SLC10A7: variants seen among roughly 807,000 people sequenced by gnomAD.
The protein encoded by SLC10A7 is sodium/bile acid cotransporter 7.
SLC10A7 carries 29 observed loss-of-function variants against 43.2 expected under a neutral mutation model. The ratio of observed to expected loss-of-function variants is 0.67; its 90% CI spans 0.50 to 0.92. The LOEUF (loss-of-function observed/expected upper bound fraction) is 0.92. Among genes scored for constraint, SLC10A7 ranks in the 40% least tolerant of loss-of-function variants. The pLI is 0.00. For missense variants in SLC10A7, 295 were observed against 403.2 expected (o/e 0.73, Z 2.30); for synonymous variants, 152 against 144.8 (o/e 1.05, Z -0.35).
intron 5 of SLC10A7, among the ~76,000 whole-genome samples, chr4:146,360,599 C>T (rs1253629268): frequency 2.0e-5 from 3 of 151,808 alleles, no homozygotes; most frequent in African/African-American, 7.3e-5. Context: ...CAACACCACA[C>T]CTGGCTTTTT....
In SLC10A7 at chr4:146,448,766, A is replaced by G. The variant is rs1295597146; in HGVS notation, c.397-5945T>C. Among the ~76,000 whole-genome samples, 6 of 152,194 alleles carry G rather than the reference A, an allele frequency of 3.9e-5. No individual in the cohort carries two copies. In the South Asian group the frequency reaches 1.2e-3, roughly 31 times the overall value. On this transcript the variant is annotated intron_variant, in intron 4 of 11. Transcript: ENST00000335472. ...GTTTCAAGCCTAGGAGAATACCCTT[A>G]GGAGAATACCAAACTTGGGAGAAGA...
intron 5 of SLC10A7, among the ~76,000 whole-genome samples, chr4:146,397,314 T>A (rs1165827877): frequency 1.3e-5 from 2 of 152,192 alleles, no homozygotes; most frequent in East Asian, 1.9e-4. Flanking sequence ...ACTAAAATAA[T>A]GTCAGAAAAG....
intron 4 of SLC10A7, among the ~76,000 whole-genome samples, chr4:146,483,283 A>G (rs948634699): frequency 1.3e-5 from 2 of 152,218 alleles, no homozygotes; most frequent in African/African-American, 4.8e-5. Flanking sequence ...GCTATAATAC[A>G]TTGTTAAGGA....
In SLC10A7 at chr4:146,306,101, G is replaced by A. The variant is rs928072122; in HGVS notation, c.472-92C>T. 15 of 1,023,414 alleles carry A rather than the reference G, an allele frequency of 1.5e-5. No individual in the cohort carries two copies. The East Asian group carries it at 4.4e-4, about 30-fold the overall frequency. 63.4% of individuals were successfully genotyped at this position (1,023,414 alleles called of 1,614,324 possible). On this transcript the variant is annotated intron_variant, in intron 6 of 11. Transcript: ENST00000335472. ...TAATGCAATAAATAGATTTTCTCAG[G>A]CGCACCAAAAATTTGGTAGCTATCT... is the stretch of plus-strand genomic sequence containing the variant.
intron 4 of SLC10A7, among the ~76,000 whole-genome samples, chr4:146,457,554 A>C (rs964697386): frequency 1.3e-5 from 2 of 151,940 alleles, no homozygotes; most frequent in African/African-American, 4.8e-5. Context: ...CCACACAAAA[A>C]ACTTTCAGCA....
At chr4:146,356,333 A>G (rs1207668727) in intron 5 of SLC10A7, among the ~76,000 whole-genome samples, 1 of 152,096 alleles carries the variant, frequency 6.6e-6, no homozygotes, top group Non-Finnish European at 1.5e-5. Flanking sequence ...CCTTAATCCA[A>G]TATATTACTA....
chr4:146,432,908 C>G (rs571800363), intron 5 of SLC10A7, among the ~76,000 whole-genome samples: 23 of 151,570 alleles, frequency 1.5e-4, no homozygotes, highest in East Asian at 6.0e-4. Context: ...CGTGGTGGTA[C>G]GCGCCTGTAG....
chr4:146,400,346 G>C (rs1739143676), intron 5 of SLC10A7, among the ~76,000 whole-genome samples: 1 of 152,044 alleles, frequency 6.6e-6, no homozygotes, highest in African/African-American at 2.4e-5. Flanking sequence ...GTTAAAAGTA[G>C]AAATTGGAAC....
At chr4:146,518,140 G>A (rs1738191231) in intron 1 of SLC10A7, among the ~76,000 whole-genome samples, 1 of 152,146 alleles carries the variant, frequency 6.6e-6, no homozygotes, top group Non-Finnish European at 1.5e-5. Flanking sequence ...GTGGATATAA[G>A]TATCATTTGT....
rs966509434 is a variant in SLC10A7, at chr4:146,348,480, C to A, written c.436-22484G>T. Among the ~76,000 whole-genome samples the A allele has an allele frequency of 2.0e-5, 3 of 152,166 alleles. No homozygotes were observed. The East Asian group carries it at 5.8e-4, about 29-fold the overall frequency. The stretch of plus-strand genomic sequence containing the variant: ...GTATTTAAAACGTGTAAAAGAACTC[C>A]TGTTCTCTCTCAGTACCTACATAAA... On this transcript the variant is annotated intron_variant, in intron 5 of 11. Transcript: ENST00000335472.
chr4:146,277,292 A>G (rs977268588), intron 10 of SLC10A7, among the ~76,000 whole-genome samples: 1 of 152,166 alleles, frequency 6.6e-6, no homozygotes, highest in African/African-American at 2.4e-5. Context: ...TTAATTTCAT[A>G]CCTGCTGTCT....
At chr4:146,299,434 C>CAT (rs1231843140) in intron 7 of SLC10A7, among the ~76,000 whole-genome samples, 1 of 152,138 alleles carries the variant, frequency 6.6e-6, no homozygotes, top group Non-Finnish European at 1.5e-5. Context: ...AATAATGATA[C>CAT]ATACTAAGCT....
Position 146,282,948 on chromosome 4 carries a change from G to T in SLC10A7, c.847+244C>A, listed in dbSNP as rs538741282. Among the ~76,000 whole-genome samples the T allele has an allele frequency of 3.9e-5, 6 of 152,156 alleles. No homozygotes were observed. In the South Asian group the frequency reaches 1.2e-3, roughly 32 times the overall value. ...ATTCTACATTGGTAATCTTGTATGAGAATTGAAAATATGATTATAAATTAA... is the reference window on the plus strand; with the variant it reads ...ATTCTACATTGGTAATCTTGTATGATAATTGAAAATATGATTATAAATTAA... On this transcript the variant is annotated intron_variant, in intron 10 of 11. Coordinates refer to ENST00000335472, the MANE Select transcript of SLC10A7 (RefSeq NM_001029998.6).
In SLC10A7 at chr4:146,510,667, C is replaced by T. The variant is rs137917188; in HGVS notation, c.184-618G>A. On this transcript the variant is annotated intron_variant, in intron 2 of 11. Coordinates refer to ENST00000335472, the MANE Select transcript of SLC10A7 (RefSeq NM_001029998.6). ...AGGACTAAGCTAACTATACTTCATA[C>T]TACTATAGATTTGGGGATTGTTGAA... 3.8e-3 allele frequency among the ~76,000 whole-genome samples: 574 copies of T among 152,260 alleles called. 3 individuals carry two copies. The highest frequency in any genetic ancestry group is 0.013 in the African/African-American group (556 of 41,542).
At chr4:146,505,478 G>A (rs1189689706) in intron 3 of SLC10A7, among the ~76,000 whole-genome samples, 1 of 152,144 alleles carries the variant, frequency 6.6e-6, no homozygotes, top group Non-Finnish European at 1.5e-5. Flanking sequence ...AAAGTTATAT[G>A]TGGATTTTCA....
At chr4:146,418,390 G>A (rs143180287) in intron 5 of SLC10A7, among the ~76,000 whole-genome samples, 2 of 152,174 alleles carry the variant, frequency 1.3e-5, no homozygotes, top group African/African-American at 4.8e-5. Context: ...ACTAAAACAA[G>A]CCTGATGTTT....
intron 5 of SLC10A7, among the ~76,000 whole-genome samples, chr4:146,439,948 ATCT>A (rs1730471057): frequency 6.6e-6 from 1 of 152,238 alleles, no homozygotes; most frequent in African/African-American, 2.4e-5. Flanking sequence ...TCTAAAATAA[ATCT>A]TCTTCCTAAT....
intron 9 of SLC10A7, among the ~76,000 whole-genome samples, chr4:146,283,728 C>G (rs561095731): frequency 6.6e-6 from 1 of 151,962 alleles, no homozygotes; most frequent in Non-Finnish European, 1.5e-5. Context: ...TTAGTAAAAA[C>G]AAATTATCAT....
At chr4:146,264,157 T>C (rs939195431) in intron 10 of SLC10A7, among the ~76,000 whole-genome samples, 2 of 152,248 alleles carry the variant, frequency 1.3e-5, no homozygotes, top group African/African-American at 4.8e-5. Flanking sequence ...ATACCCAGGA[T>C]GGAAAGGATA....
Sources: allele counts gnomAD v4.1 joint callset (sites outside exome capture counted in the v4.1 genomes callset), GRCh38; gene constraint gnomAD v4.1.1; transcripts MANE v1.5; gene names NCBI Gene and HGNC (gene_info 2026-07-23, HGNC 2026-07-21).